Variants in DIAPH3 observed in about 807,000 individuals in gnomAD.
DIAPH3 encodes the protein protein diaphanous homolog 3.
Under a neutral mutation model 144.3 loss-of-function variants are expected in DIAPH3, and 117 were observed. That is an observed-to-expected ratio of 0.81 (90% confidence interval 0.70 to 0.95). The LOEUF is 0.95. DIAPH3 is among the 40% of genes least tolerant of loss of function. The probability of loss-of-function intolerance (pLI) is 0.00; values close to 1 mark genes in which losing one functional copy is unlikely to be tolerated. For missense variants in DIAPH3, 1,421 were observed against 1,412.7 expected, an observed-to-expected ratio of 1.01 and a Z score of -0.09; for synonymous variants, 519 against 488.9, an observed-to-expected ratio of 1.06 and a Z score of -0.81.
chr13:59,865,335 G>T (rs1371971460), intron 21 of DIAPH3, among the ~76,000 whole-genome samples: 1 of 151,956 alleles, frequency 6.6e-6, no homozygotes, highest in African/African-American at 2.4e-5. Flanking sequence ...GCTAGAACAA[G>T]TAAAGCTTGG....
chr13:60,112,136 A>C lies in DIAPH3; in HGVS notation c.264T>G (p.Pro88=). 6.2e-7 allele frequency: 1 copy of C among 1,614,116 alleles called. No individual in the cohort carries two copies. ...IRIPGSKKER[P]PLPNLKTAFA... ...ATGCAGTCTTCAGGTTGGGAAGTGG[A>C]GGTCTCTCTTTCTTGCTCCCTGGAA... The change falls in exon 3 of 28, where the codon CCT becomes CCG. Residue 88 remains proline (P), a synonymous_variant. Coordinates refer to ENST00000400324, the MANE Select transcript of DIAPH3 (RefSeq NM_001042517.2).
chr13:60,114,642 G>GACACACACACACAC (rs34572381), intron 2 of DIAPH3, among the ~76,000 whole-genome samples: 2 of 147,992 alleles, frequency 1.4e-5, no homozygotes, highest in African/African-American at 2.5e-5. Flanking sequence ...GAATACAAAA[G>GACACACACACACAC]ACACACACAC....
chr13:60,049,634 C>T (rs1032620193), intron 4 of DIAPH3, among the ~76,000 whole-genome samples: 1 of 152,202 alleles, frequency 6.6e-6, no homozygotes, highest in Non-Finnish European at 1.5e-5. Context: ...TTTTTCATAA[C>T]TCTTACTCTG....
At chr13:59,805,113 T>A (rs2040126436) in intron 25 of DIAPH3, among the ~76,000 whole-genome samples, 1 of 152,078 alleles carries the variant, frequency 6.6e-6, no homozygotes, top group Admixed American at 6.6e-5. Flanking sequence ...ATAGACAAAT[T>A]GTAACCTAAA....
Position 60,137,964 on chromosome 13 carries a change from T to C in DIAPH3, c.181-4975A>G, listed in dbSNP as rs538791009. Among the ~76,000 whole-genome samples the C allele has an allele frequency of 3.9e-5, 6 of 152,098 alleles. No homozygotes were observed. The East Asian group carries it at 1.2e-3, about 29-fold the overall frequency. On this transcript the variant is annotated intron_variant, in intron 1 of 27. Coordinates refer to ENST00000400324, the MANE Select transcript of DIAPH3 (RefSeq NM_001042517.2). ...GTCTCGAAATCCTGACCTCAGGTGA[T>C]CCTCCCACCTCGGCCTCCCAAAGTG...
intron 17 of DIAPH3, among the ~76,000 whole-genome samples, chr13:59,944,819 C>T (rs1408793023): frequency 6.6e-6 from 1 of 151,530 alleles, no homozygotes; most frequent in Non-Finnish European, 1.5e-5. Context: ...ATCCTTTATA[C>T]CTCCTTTTAG....
intron 27 of DIAPH3, among the ~76,000 whole-genome samples, chr13:59,764,778 T>A: frequency 6.6e-6 from 1 of 151,856 alleles, no homozygotes; most frequent in Middle Eastern, 3.4e-3. Context: ...TGGAATAGAT[T>A]CTCCCACAGA....
intron 21 of DIAPH3, among the ~76,000 whole-genome samples, chr13:59,872,797 G>A (rs780660404): frequency 2.2e-4 from 34 of 152,216 alleles, no homozygotes; most frequent in Non-Finnish European, 4.0e-4. Context: ...GCCTGACGCC[G>A]AGGAGGATTC....
chr13:60,027,363 T>C (rs1181822674), intron 5 of DIAPH3, among the ~76,000 whole-genome samples: 1 of 152,230 alleles, frequency 6.6e-6, no homozygotes, highest in African/African-American at 2.4e-5. Context: ...GTATATTTTC[T>C]TGAAATATAC....
chr13:59,709,313 CA>C (rs2034600565), intron 27 of DIAPH3, among the ~76,000 whole-genome samples: 1 of 151,998 alleles, frequency 6.6e-6, no homozygotes, highest in Admixed American at 6.6e-5. Context: ...AGGCAACCTA[CA>C]AAATGGGAGA....
In DIAPH3 at chr13:59,666,572, A is replaced by G; in HGVS notation, c.*12T>C. 2.5e-6 allele frequency: 4 copies of G among 1,613,630 alleles called. No homozygotes were observed. Among genetic ancestry groups the G allele is most frequent in the Non-Finnish European group, 3.4e-6 (4 of 1,179,872 alleles). Reference sequence around the variant, plus strand: ...ATTTGGCTTAATCATTTTTTTTAAAAACCAGTTTAACTTATAAAGCTCGTA... The same window carrying G: ...ATTTGGCTTAATCATTTTTTTTAAAGACCAGTTTAACTTATAAAGCTCGTA... On this transcript the variant is annotated 3_prime_UTR_variant, in exon 28 of 28. Coordinates refer to ENST00000400324, the MANE Select transcript of DIAPH3 (RefSeq NM_001042517.2).
chr13:59,979,319 T>C (rs1044560668), intron 14 of DIAPH3, among the ~76,000 whole-genome samples: 1 of 151,614 alleles, frequency 6.6e-6, no homozygotes, highest in Non-Finnish European at 1.5e-5. Context: ...CTGGGATGTA[T>C]CCAAATCAAG....
At chr13:59,914,873 A>T (rs1397770025) in intron 19 of DIAPH3, among the ~76,000 whole-genome samples, 3 of 152,202 alleles carry the variant, frequency 2.0e-5, no homozygotes, top group Non-Finnish European at 2.9e-5. Context: ...TAAGATAATA[A>T]ATTTGTATTA....
chr13:59,899,945 A>G (rs2046339933), intron 20 of DIAPH3, among the ~76,000 whole-genome samples: 1 of 152,194 alleles, frequency 6.6e-6, no homozygotes, highest in Non-Finnish European at 1.5e-5. Flanking sequence ...GGTTTTTATT[A>G]GTTCTAATAA....
chr13:59,886,714 T>A (rs1362535989), intron 20 of DIAPH3, among the ~76,000 whole-genome samples: 1 of 152,092 alleles, frequency 6.6e-6, no homozygotes, highest in Admixed American at 6.6e-5. Context: ...TAGTTTTTTT[T>A]ATGACATTGT....
At chr13:60,142,820 G>A (rs2059455636) in intron 1 of DIAPH3, among the ~76,000 whole-genome samples, 1 of 151,886 alleles carries the variant, frequency 6.6e-6, no homozygotes, top group Non-Finnish European at 1.5e-5. Context: ...TGCAATGGAG[G>A]GATCATAGCT....
chr13:60,052,429 C>A (rs1441057381), intron 4 of DIAPH3, among the ~76,000 whole-genome samples: 1 of 152,062 alleles, frequency 6.6e-6, no homozygotes, highest in Non-Finnish European at 1.5e-5. Flanking sequence ...GGATGTTGGA[C>A]AGATCACATA....
chr13:59,670,355 A>G (rs1276458215), intron 27 of DIAPH3, among the ~76,000 whole-genome samples: 1 of 151,926 alleles, frequency 6.6e-6, no homozygotes, highest in Non-Finnish European at 1.5e-5. Flanking sequence ...CTAGATAACA[A>G]CTCTTCATTC....
intron 17 of DIAPH3, among the ~76,000 whole-genome samples, chr13:59,930,816 T>C (rs2047983693): frequency 6.6e-6 from 1 of 152,052 alleles, no homozygotes; most frequent in African/African-American, 2.4e-5. Flanking sequence ...CTGAAGGAAG[T>C]TACAGTAATC....
Sources: gnomAD v4.1 joint callset for allele counts (sites outside exome capture counted in the v4.1 genomes callset) on GRCh38, gnomAD v4.1.1 for gene constraint, MANE v1.5 for transcripts, NCBI Gene and HGNC (gene_info 2026-07-23, HGNC 2026-07-21) for gene names.